Variants in WASHC4 observed in about 807,000 individuals in gnomAD.
WASHC4 encodes WASH complex subunit 4, also known as WASH complex subunit 7.
WASHC4 carries 86 observed loss-of-function variants against 166.6 expected under a neutral mutation model. That is an observed-to-expected ratio of 0.52 (90% CI 0.43 to 0.62). The LOEUF is 0.62. WASHC4 is among the 20% of genes least tolerant of loss of function. WASHC4 has a pLI of 0.00. For missense variants in WASHC4, 1,262 were observed against 1,382.4 expected (o/e 0.91, Z 1.38); for synonymous variants, 446 against 451.6 (o/e 0.99, Z 0.16).
At chr12:105,126,844 GT>G (rs1881332692) in intron 12 of WASHC4, among the ~76,000 whole-genome samples, 1 of 151,972 alleles carries the variant, frequency 6.6e-6, no homozygotes, top group Non-Finnish European at 1.5e-5. Context: ...GAAGATTCAA[GT>G]TTCTATTGTT....
At chr12:105,131,809 A>G (rs187938390) in intron 13 of WASHC4, among the ~76,000 whole-genome samples, 73 of 152,288 alleles carry the variant, frequency 4.8e-4, no homozygotes, top group Admixed American at 6.5e-4. Flanking sequence ...AAGTATGACT[A>G]TTTGTGTTTT....
intron 2 of WASHC4, 142 bp downstream of exon 2, chr12:105,111,406 T>G (rs1245782754): frequency 3.2e-6 from 2 of 623,918 alleles, no homozygotes; most frequent in Non-Finnish European, 5.4e-6. Flanking sequence ...GTTAATTTCC[T>G]TTTCTCTAAG....
intron 20 of WASHC4, among the ~76,000 whole-genome samples, chr12:105,144,005 G>A (rs1883085301): frequency 6.6e-6 from 1 of 151,104 alleles, no homozygotes; most frequent in African/African-American, 2.4e-5. Flanking sequence ...TTTCTCTCTT[G>A]CCTGTTCTCA....
chr12:105,135,099 T>C (rs1882194326), intron 14 of WASHC4, among the ~76,000 whole-genome samples: 1 of 152,050 alleles, frequency 6.6e-6, no homozygotes, highest in South Asian at 2.1e-4. Context: ...GTTCTATTTA[T>C]CTCCCTCTCA....
chr12:105,142,346 C>A (rs868762985), intron 18 of WASHC4, 107 bp from the exon 19 acceptor site: 4 of 724,440 alleles, frequency 5.5e-6, no homozygotes, highest in Non-Finnish European at 2.5e-6. Flanking sequence ...GTAGGGAATG[C>A]GAACTGTGTA....
At position 105,168,703 on chromosome 12, in the gene WASHC4, T is replaced by A. The variant is rs1247402314; in HGVS notation, c.*1772T>A. 1 of 152,028 alleles carries A rather than the reference T, an allele frequency of 6.6e-6. No individual in the cohort carries two copies. Among genetic ancestry groups the A allele is most frequent in the Non-Finnish European group, 1.5e-5 (1 of 67,936 alleles). The allele number at this position is 152,028 out of a possible 1,614,324, so 9.4% of individuals were successfully genotyped here. ...GAGAAGAAAATGACAGACAATTATT[T>A]TTCCTTTAGGTCAAAATAATGTCAC... On this transcript the variant is annotated 3_prime_UTR_variant, in exon 33 of 33. Transcript: ENST00000332180.
chr12:105,127,223 A>G lies in WASHC4; in HGVS notation c.1133A>G (p.Lys378Arg), dbSNP rs760731258. The change falls in exon 13 of 33, where the codon AAA (lysine) becomes AGA (arginine). Residue 378 changes from lysine to arginine, a missense_variant. Transcript: ENST00000332180. The stretch of plus-strand genomic sequence containing the variant: ...GCAGCTGCCAAACTGCTAGACAGAA[A>G]AAGTCTTCAAGCCATTAAAATACAC... ...IPAAAKLLDRKSLQAIKIHRD... is the reference protein window; with the variant it reads ...IPAAAKLLDRRSLQAIKIHRD... 5.6e-6 allele frequency: 9 copies of G among 1,612,668 alleles called. No individual in the cohort carries two copies. The African/African-American group carries it at 1.1e-4, about 19-fold the overall frequency.
Position 105,166,907 on chromosome 12 carries a change from G to A in WASHC4, c.3498G>A (p.Val1166=), listed in dbSNP as rs1257516913. The A allele has an allele frequency of 3.1e-6, 5 of 1,606,788 alleles. No individual in the cohort carries two copies. The East Asian group carries it at 1.1e-4, about 36-fold the overall frequency. ...TSNGDLSDST[V]SADPVVK is the part of the protein sequence containing the mutation. ...ATGGAGACCTGTCTGACAGCACTGT[G>A]TCTGCTGATCCTGTTGTGAAATGAT... The change falls in exon 33 of 33, where the codon GTG becomes GTA. Residue 1166 remains valine, a synonymous_variant. Coordinates refer to ENST00000332180, the MANE Select transcript of WASHC4 (RefSeq NM_015275.3).
At chr12:105,129,850 C>G (rs1368689058) in intron 13 of WASHC4, among the ~76,000 whole-genome samples, 1 of 152,194 alleles carries the variant, frequency 6.6e-6, no homozygotes, top group African/African-American at 2.4e-5. Flanking sequence ...TCATGAAGCT[C>G]TCAACTCTAT....
At chr12:105,140,846 G>C in intron 16 of WASHC4, 53 bp from the exon 17 acceptor site, 1 of 1,549,142 alleles carries the variant, frequency 6.5e-7, no homozygotes. Context: ...TTTTTCTTCT[G>C]AGTCTTTTGT....
chr12:105,109,153 A>G (rs1879400744), intron 1 of WASHC4, among the ~76,000 whole-genome samples: 2 of 152,200 alleles, frequency 1.3e-5, no homozygotes, highest in African/African-American at 4.8e-5. Context: ...ATAAAAATTA[A>G]CCTTGGAGAT....
chr12:105,166,970 G>C lies in WASHC4; in HGVS notation c.*39G>C, dbSNP rs775483138. Reference sequence around the variant, plus strand: ...CACTGCACATATGATGAAATCATCAGAATTGTTAAAACTTTTGCCAGTGGA... The same window carrying C: ...CACTGCACATATGATGAAATCATCACAATTGTTAAAACTTTTGCCAGTGGA... On this transcript the variant is annotated 3_prime_UTR_variant, in exon 33 of 33. Transcript: ENST00000332180. 2.1e-6 allele frequency: 3 copies of C among 1,422,276 alleles called. No individual in the cohort carries two copies. Among genetic ancestry groups the C allele is most frequent in the Admixed American group, 3.3e-5 (2 of 59,778 alleles). 88.1% of individuals were successfully genotyped at this position (1,422,276 alleles called of 1,614,324 possible). A position where few individuals can be genotyped will look rare whatever the true frequency, so the allele number is the denominator to read the frequency against.
chr12:105,144,512 C>G, intron 21 of WASHC4, 57 bp downstream of exon 21: 10 of 1,345,706 alleles, frequency 7.4e-6, no homozygotes, highest in Non-Finnish European at 7.3e-6. Context: ...TTTTTTTACC[C>G]TACTGTTAAA....
At chr12:105,149,243 A>G (rs1035611089) in intron 24 of WASHC4, 3 of 985,368 alleles carry the variant, frequency 3.0e-6, no homozygotes, top group Non-Finnish European at 3.6e-6. Context: ...GTAGATTAGC[A>G]ATAAGTAATC....
At chr12:105,137,787 T>G in intron 14 of WASHC4, 99 bp from the exon 15 acceptor site, 2 of 958,622 alleles carry the variant, frequency 2.1e-6, no homozygotes, top group Non-Finnish European at 3.2e-6. Context: ...TTTAGAAACA[T>G]TAGTTATTGG....
At chr12:105,115,161 T>G in intron 4 of WASHC4, 23 bp from the exon 5 acceptor site, 2 of 1,285,898 alleles carry the variant, frequency 1.6e-6, no homozygotes, top group Non-Finnish European at 1.1e-6. Context: ...TTAAAATTAT[T>G]TTAATTTTTT....
At chr12:105,147,646 T>G in intron 24 of WASHC4, 3 of 952,046 alleles carry the variant, frequency 3.2e-6, no homozygotes, top group Non-Finnish European at 3.8e-6. Flanking sequence ...TGGCTCACGC[T>G]TGTAATCCCA....
rs546565945 is a variant in WASHC4 at position 105,163,938 on chromosome 12, T to C, written c.3158-173T>C. ...TGTTTTTAAAGGAGGAATTAAGCCA[T>C]TTTGTTAAACCCATCATTCATTTAT... On this transcript the variant is annotated intron_variant, in intron 30 of 32. Transcript: ENST00000332180. 1.7e-4 allele frequency among the ~76,000 whole-genome samples: 26 copies of C among 152,354 alleles called. No homozygotes were observed. In the South Asian group the frequency reaches 1.9e-3, roughly 11 times the overall value.
chr12:105,146,606 A>T (rs1049260596), intron 23 of WASHC4, 80 bp downstream of exon 23: 1 of 777,282 alleles, frequency 1.3e-6, no homozygotes. Context: ...ATTGATTTTT[A>T]TGGGTGAAAA....
Sources: allele counts gnomAD v4.1 joint callset (sites outside exome capture counted in the v4.1 genomes callset), GRCh38; gene constraint gnomAD v4.1.1; transcripts MANE v1.5; gene names NCBI Gene and HGNC (gene_info 2026-07-23, HGNC 2026-07-21).